The following BUB1B variants were observed in gnomAD, a reference collection of about 807,000 sequenced individuals.
The protein encoded by BUB1B is BUB1 mitotic checkpoint serine/threonine kinase B, also known as mitotic checkpoint serine/threonine-protein kinase BUB1 beta.
BUB1B carries 86 observed loss-of-function variants against 137.7 expected under a neutral mutation model. That is an observed-to-expected ratio of 0.62 (90% confidence interval 0.52 to 0.75). The LOEUF (loss-of-function observed/expected upper bound fraction) is 0.75, where lower values mean the gene tolerates loss of function less well. Among genes scored for constraint, BUB1B ranks in the 30% least tolerant of loss-of-function variants. The pLI is 0.00. For missense variants in BUB1B, 1,130 were observed against 1,236.9 expected (o/e 0.91, Z 1.30); for synonymous variants, 420 against 417.9 (o/e 1.00, Z -0.06).
chr15:40,185,149 A>G lies in BUB1B; in HGVS notation c.752-16A>G. 1.9e-6 allele frequency: 3 copies of G among 1,597,812 alleles called. No individual in the cohort carries two copies. In the African/African-American group the frequency reaches 4.0e-5, roughly 21 times the overall value. On this transcript the variant is annotated splice_polypyrimidine_tract_variant and intron_variant, in intron 6 of 22. Transcript: ENST00000287598. ...ATGAAACATTTTACATGAGGTTTTAATATTTTTGCTCCTAGCTCCAAGCCA... is the reference window on the plus strand; with the variant it reads ...ATGAAACATTTTACATGAGGTTTTAGTATTTTTGCTCCTAGCTCCAAGCCA...
At chr15:40,186,986 AACCTCG>A (rs1399025351) in intron 8 of BUB1B, 2 of 150,332 alleles carry the variant, frequency 1.3e-5, no homozygotes, top group East Asian at 2.0e-4. Context: ...AGCTCACCGC[AACCTCG>A]ACCTCCTGGT....
chr15:40,185,111 A>G, intron 6 of BUB1B, 54 bp from the exon 7 acceptor site: 9 of 1,465,956 alleles, frequency 6.1e-6, no homozygotes, highest in Non-Finnish European at 8.6e-6. Flanking sequence ...TTTATCTGGC[A>G]TCTAAGTTAA....
intron 16 of BUB1B, 98 bp downstream of exon 16, chr15:40,208,868 T>C: frequency 4.0e-6 from 5 of 1,255,800 alleles, no homozygotes; most frequent in Non-Finnish European, 5.7e-6. Flanking sequence ...AGGGTCTCAC[T>C]CTGTCACCCA....
At position 40,209,700 on chromosome 15, in the gene BUB1B, T is replaced by G; in HGVS notation, c.2209T>G (p.Leu737Val). The G allele has an allele frequency of 6.2e-7, 1 of 1,614,028 alleles. No homozygotes were observed. The highest frequency in any genetic ancestry group is 8.5e-7 in the Non-Finnish European group (1 of 1,179,980). The part of the protein sequence containing the change: ...RRQLLKSLPE[L>V]SASAELCIED... ...ACAGCTACTGAAGTCCCTACCAGAG[T>G]TAAGTGCCTCTGCAGAGTTGTGTAT... The change falls in exon 17 of 23, where the codon TTA becomes GTA. Residue 737 changes from leucine to valine, a missense_variant. By Grantham distance (32) the Leu-to-Val change is conservative (BLOSUM62 1). Coordinates refer to ENST00000287598, the MANE Select transcript of BUB1B (RefSeq NM_001211.6).
intron 4 of BUB1B, chr15:40,174,092 G>A (rs564788912): frequency 9.3e-6 from 3 of 322,720 alleles, no homozygotes; most frequent in East Asian, 1.9e-4. Flanking sequence ...TTTCTTAAGT[G>A]ATCTTATTCA....
At chr15:40,171,008 T>G (rs1362182861) in intron 4 of BUB1B, among the ~76,000 whole-genome samples, 1 of 152,154 alleles carries the variant, frequency 6.6e-6, no homozygotes, top group African/African-American at 2.4e-5. Context: ...CCATCATGGC[T>G]CACTGCAGTC....
intron 8 of BUB1B, among the ~76,000 whole-genome samples, chr15:40,187,267 A>AG (rs1433736225): frequency 6.6e-6 from 1 of 151,982 alleles, no homozygotes; most frequent in Non-Finnish European, 1.5e-5. Context: ...CTGGGACTAC[A>AG]GGCGCCTGCC....
At position 40,212,508 on chromosome 15, in the gene BUB1B, C is replaced by A; in HGVS notation, c.2395C>A (p.Gln799Lys). 6.2e-7 allele frequency: 1 copy of A among 1,611,872 alleles called. No individual in the cohort carries two copies. The highest frequency in any genetic ancestry group is 1.1e-5 in the South Asian group (1 of 91,008). Reference protein sequence around the residue: ...AELTVIKVSSQPVPWDFYINL... With the variant: ...AELTVIKVSSKPVPWDFYINL... ...ATACAATGTCTTACAGGTATCTTCT[C>A]AACCTGTCCCATGGGACTTTTATAT... The change falls in exon 19 of 23, where the codon CAA (glutamine) becomes AAA (lysine). Residue 799 changes from glutamine (Q) to lysine (K), a missense_variant. Gln to Lys is a moderately conservative substitution (Grantham distance 53). Coordinates refer to ENST00000287598, the MANE Select transcript of BUB1B (RefSeq NM_001211.6).
At chr15:40,201,894 C>T (rs2037575296) in intron 12 of BUB1B, among the ~76,000 whole-genome samples, 1 of 152,088 alleles carries the variant, frequency 6.6e-6, no homozygotes, top group African/African-American at 2.4e-5. Context: ...TGGTCTCGAT[C>T]TCCTGACCTC....
intron 4 of BUB1B, among the ~76,000 whole-genome samples, chr15:40,171,768 A>T (rs2037165391): frequency 6.6e-6 from 1 of 152,206 alleles, no homozygotes. Flanking sequence ...ATATTGCTAC[A>T]GCCAAAAATG....
chr15:40,161,695 T>C (rs2037044396), intron 1 of BUB1B, among the ~76,000 whole-genome samples: 1 of 152,190 alleles, frequency 6.6e-6, no homozygotes, highest in Non-Finnish European at 1.5e-5. Flanking sequence ...GCTATGCCAA[T>C]AGCACAGAGA....
intron 20 of BUB1B, among the ~76,000 whole-genome samples, chr15:40,216,284 A>T (rs950624545): frequency 6.6e-6 from 1 of 152,018 alleles, no homozygotes; most frequent in African/African-American, 2.4e-5. Flanking sequence ...CAAAAAATTA[A>T]GAAATTAGCC....
At chr15:40,195,280 A>G (rs1316450419) in intron 8 of BUB1B, among the ~76,000 whole-genome samples, 1 of 152,174 alleles carries the variant, frequency 6.6e-6, no homozygotes, top group African/African-American at 2.4e-5. Context: ...AATGGTCTCC[A>G]ATTCCATCCA....
chr15:40,164,064 G>A (rs188694115), intron 1 of BUB1B, among the ~76,000 whole-genome samples: 60 of 152,248 alleles, frequency 3.9e-4, no homozygotes, highest in African/African-American at 1.4e-3. Flanking sequence ...AAAACGTTTC[G>A]GGGGTTTTCT....
chr15:40,207,021 G>T (rs2037646572), intron 15 of BUB1B, among the ~76,000 whole-genome samples: 2 of 152,140 alleles, frequency 1.3e-5, no homozygotes, highest in Admixed American at 6.5e-5. Context: ...TGTTGGCCAG[G>T]CTGGTCTCAA....
chr15:40,220,787 T>A lies in BUB1B; in HGVS notation c.*28T>A, dbSNP rs1404768716. The A allele has an allele frequency of 6.3e-7, 1 of 1,599,962 alleles. No individual in the cohort carries two copies. Among genetic ancestry groups the A allele is most frequent in the Non-Finnish European group, 8.6e-7 (1 of 1,167,216 alleles). ...TAGGCAATCAAGTCTCACAGATTGC[T>A]GCCTCAGAGCAATGGTTGTATTGTG... On this transcript the variant is annotated 3_prime_UTR_variant, in exon 23 of 23. Transcript: ENST00000287598.
intron 14 of BUB1B, among the ~76,000 whole-genome samples, chr15:40,204,539 A>G (rs1484693114): frequency 1.3e-5 from 2 of 151,864 alleles, no homozygotes; most frequent in African/African-American, 2.4e-5. Flanking sequence ...TGTCTAAGCT[A>G]ATATGGCCAT....
In BUB1B at chr15:40,189,157, G is replaced by T. The variant is rs558641698; in HGVS notation, c.1058+3515G>T. ...TAATATGTGGTCTTTGTTTTTTTTT[G>T]TTTGTTTGTTTTTTGTGTTTTAGAC... On this transcript the variant is annotated intron_variant, in intron 8 of 22. Coordinates refer to ENST00000287598, the MANE Select transcript of BUB1B (RefSeq NM_001211.6). 1.3e-3 allele frequency among the ~76,000 whole-genome samples: 189 copies of T among 150,648 alleles called. 1 individual carries two copies. Among genetic ancestry groups the T allele is most frequent in the South Asian group, 9.9e-3 (47 of 4,752 alleles).
At chr15:40,188,432 T>G (rs1053601549) in intron 8 of BUB1B, among the ~76,000 whole-genome samples, 1 of 152,168 alleles carries the variant, frequency 6.6e-6, no homozygotes, top group Non-Finnish European at 1.5e-5. Flanking sequence ...TGCTTAGTGA[T>G]GTATAGAAGC....
Sources: allele counts gnomAD v4.1 joint callset (sites outside exome capture counted in the v4.1 genomes callset), GRCh38; gene constraint gnomAD v4.1.1; transcripts MANE v1.5; gene names NCBI Gene and HGNC (gene_info 2026-07-23, HGNC 2026-07-21).